MICB: variants seen among roughly 807,000 people sequenced by gnomAD.
MICB encodes the protein MHC class I antigen-related protein B.
MICB carries 27 observed loss-of-function variants against 34.3 expected under a neutral mutation model. The ratio of observed to expected loss-of-function variants is 0.79; its 90% CI spans 0.58 to 1.08. The LOEUF (loss-of-function observed/expected upper bound fraction) is 1.08. Ranked by LOEUF, MICB falls within the 50% of genes least tolerant of loss-of-function variation. MICB has a pLI of 0.00. For synonymous variants in MICB, 153 were observed against 187.4 expected, an observed-to-expected ratio of 0.82 and a Z score of 1.50; for missense variants, 426 against 483.1, an observed-to-expected ratio of 0.88 and a Z score of 1.11.
chr6:31,501,437 A>G (rs553451503), intron 1 of MICB, among the ~76,000 whole-genome samples: 1 of 152,144 alleles, frequency 6.6e-6, no homozygotes, highest in Admixed American at 6.5e-5. Flanking sequence ...TTTTAACTTG[A>G]TATGATCCCA....
At chr6:31,496,366 C>CTTTTT (rs3034154), upstream of MICB, among the ~76,000 whole-genome samples, 86 of 121,626 alleles carry the variant, frequency 7.1e-4, 2 homozygotes, top group South Asian at 1.8e-3. Context: ...TCCTTTTTTT[C>CTTTTT]TTTTTTTTTT....
At chr6:31,498,359 G>A (rs1764798834) in intron 1 of MICB, 96 bp downstream of exon 1, 1 of 1,060,900 alleles carries the variant, frequency 9.4e-7, no homozygotes, top group South Asian at 1.5e-5. Context: ...CGGTCAGGGC[G>A]GGGCTCAGGT....
At chr6:31,503,954 TGTGTGTGTGTGTG>T (rs1562360648) in intron 1 of MICB, among the ~76,000 whole-genome samples, 5 of 149,452 alleles carry the variant, frequency 3.3e-5, no homozygotes, top group African/African-American at 1.2e-4. Flanking sequence ...ACTTGCTGTG[TGTGTGTGTGTGTG>T]TGTGTGTGTG....
Position 31,510,036 on chromosome 6 carries a change from T to A in MICB, c.*127T>A. ...TTTATTGTTGTTGGATGCTGCAAAG[T>A]GTTAGTAGGTATGAGGTGTTTGCTG... On this transcript the variant is annotated 3_prime_UTR_variant, in exon 6 of 6. Coordinates refer to ENST00000252229, the MANE Select transcript of MICB (RefSeq NM_005931.5). The A allele has an allele frequency of 8.5e-7, 1 of 1,176,576 alleles. No individual in the cohort carries two copies. The highest frequency in any genetic ancestry group is 1.2e-6 in the Non-Finnish European group (1 of 855,724). 72.9% of individuals were successfully genotyped at this position (1,176,576 alleles called of 1,614,324 possible).
intron 1 of MICB, among the ~76,000 whole-genome samples, chr6:31,504,843 T>C (rs1229667911): frequency 2.6e-5 from 4 of 152,200 alleles, no homozygotes; most frequent in Non-Finnish European, 5.9e-5. Flanking sequence ...CATTTTGAGT[T>C]AATTTTTGTA....
At position 31,506,436 on chromosome 6, in the gene MICB, G is replaced by T; in HGVS notation, c.613+6G>T. The T allele has an allele frequency of 6.2e-7, 1 of 1,612,090 alleles. No individual in the cohort carries two copies. Among genetic ancestry groups the T allele is most frequent in the South Asian group, 1.1e-5 (1 of 90,904 alleles). ...GGTGGCCATCAGGAGAACAGGTACC[G>T]ACCCTGGCCAGGGGCTCTACTGTTC... On this transcript the variant is annotated splice_donor_region_variant and intron_variant, in intron 3 of 5. Transcript: ENST00000252229.
rs1315464581 is a variant in MICB at position 31,507,202 on chromosome 6, A to G, written c.794A>G (p.Gln265Arg). The G allele has an allele frequency of 6.2e-7, 1 of 1,614,134 alleles. No individual in the cohort carries two copies. Among genetic ancestry groups the G allele is most frequent in the Non-Finnish European group, 8.5e-7 (1 of 1,180,008 alleles). ...CTGCCTGATGGGAATGGAACCTACC[A>G]GACCTGGGTGGCCACCAGGATTCGC... Reference protein sequence around the residue: ...DVLPDGNGTYQTWVATRIRQG... With the variant: ...DVLPDGNGTYRTWVATRIRQG... The change falls in exon 4 of 6, where the codon CAG (glutamine) becomes CGG (arginine). Residue 265 changes from glutamine (Q) to arginine (R), a missense_variant. By Grantham distance (43) the Gln-to-Arg change is conservative (BLOSUM62 1). Transcript: ENST00000252229. This position sits in a 1 kb window ranked among gnomAD's most constrained non-coding sequence, Gnocchi z 6.0.
At chr6:31,505,297 T>C (rs1167261856) in intron 1 of MICB, among the ~76,000 whole-genome samples, 1 of 146,236 alleles carries the variant, frequency 6.8e-6, no homozygotes, top group South Asian at 2.3e-4. Flanking sequence ...CTTCCAACAC[T>C]GCCTTCATGC....
chr6:31,496,233 A>C (rs1429403335), upstream of MICB, among the ~76,000 whole-genome samples: 1 of 152,212 alleles, frequency 6.6e-6, no homozygotes, highest in Non-Finnish European at 1.5e-5. Context: ...AATTCTTATT[A>C]TTGAGAATTG....
Position 31,506,321 on chromosome 6 carries a change from C to T in MICB, c.504C>T (p.Phe168=). The T allele has an allele frequency of 6.2e-7, 1 of 1,614,220 alleles. No individual in the cohort carries two copies. Among genetic ancestry groups the T allele is most frequent in the Non-Finnish European group, 8.5e-7 (1 of 1,180,034 alleles). The change falls in exon 3 of 6, where the codon TTC becomes TTT. Residue 168 remains phenylalanine (F), a synonymous_variant. Transcript: ENST00000252229. ...AQTLAMNVTN[F]WKEDAMKTKT... The stretch of plus-strand genomic sequence containing the variant: ...CCTTGGCTATGAACGTCACAAATTT[C>T]TGGAAGGAAGATGCCATGAAGACCA...
chr6:31,498,309 G>T, intron 1 of MICB, 46 bp downstream of exon 1: 2 of 1,478,592 alleles, frequency 1.4e-6, no homozygotes, highest in South Asian at 1.2e-5. Flanking sequence ...GAGCGGCGGG[G>T]CGTTTCCGGG....
rs1349517349 is a variant in MICB, at chr6:31,510,323, C to G, written c.*414C>G. 6.4e-6 allele frequency: 1 copy of G among 156,650 alleles called. No individual in the cohort carries two copies. The highest frequency in any genetic ancestry group is 2.4e-5 in the African/African-American group (1 of 41,356). 9.7% of individuals were successfully genotyped at this position (156,650 alleles called of 1,614,324 possible). A position where few individuals can be genotyped will look rare whatever the true frequency, so the allele number is the denominator to read the frequency against. Reference sequence around the variant, plus strand: ...CCCAGCAGCTGACTCCTTCTTCCACCCCTCTTCTTGCTATCTCCTATACCA... The same window carrying G: ...CCCAGCAGCTGACTCCTTCTTCCACGCCTCTTCTTGCTATCTCCTATACCA... On this transcript the variant is annotated 3_prime_UTR_variant, in exon 6 of 6. Coordinates refer to ENST00000252229, the MANE Select transcript of MICB (RefSeq NM_005931.5).
chr6:31,505,912 C>G, intron 2 of MICB, 41 bp downstream of exon 2: 1 of 1,552,540 alleles, frequency 6.4e-7, no homozygotes, highest in Non-Finnish European at 8.7e-7. Context: ...AGGCCTTCTC[C>G]AGGAAAGTTG....
upstream of MICB, among the ~76,000 whole-genome samples, chr6:31,496,422 A>T (rs1258562869): frequency 7.4e-6 from 1 of 134,820 alleles, no homozygotes; most frequent in Non-Finnish European, 1.5e-5. Flanking sequence ...GCTGGAGTGC[A>T]GTGGCGCAAT....
At position 31,507,654 on chromosome 6, in the gene MICB, G is replaced by A; in HGVS notation, c.1024+123G>A. 4 of 1,223,204 alleles carry A rather than the reference G, an allele frequency of 3.3e-6. No homozygotes were observed. The highest frequency in any genetic ancestry group is 2.8e-5 in the South Asian group (2 of 70,464). The allele number at this position is 1,223,204 out of a possible 1,614,324, so 75.8% of individuals were successfully genotyped here. ...CTGCTGGGACAGGGGATGGAAGCTGGGGTATTTGGGAGGGGAATGGGAGCT... is the reference window on the plus strand; with the variant it reads ...CTGCTGGGACAGGGGATGGAAGCTGAGGTATTTGGGAGGGGAATGGGAGCT... On this transcript the variant is annotated intron_variant, in intron 5 of 5. Transcript: ENST00000252229. The surrounding 1 kb of genome is among the most constrained non-coding windows in gnomAD (Gnocchi z 6.0).
At chr6:31,498,446 C>CTTTTTTTTTTTTTT (rs9279321) in intron 1 of MICB, among the ~76,000 whole-genome samples, 183 bp downstream of exon 1, 4 of 89,308 alleles carry the variant, frequency 4.5e-5, no homozygotes, top group Non-Finnish European at 6.4e-5. Flanking sequence ...TCTCCCGTCT[C>CTTTTTTTTTTTTTT]TTTTTTTTTT....
At position 31,507,613 on chromosome 6, in the gene MICB, G is replaced by A; in HGVS notation, c.1024+82G>A. ...CTCCTCATTGCTCCTGCCCAGACAA[G>A]ACGTAGGTGACAAGGCTGCTGGGAC... On this transcript the variant is annotated intron_variant, in intron 5 of 5. Coordinates refer to ENST00000252229, the MANE Select transcript of MICB (RefSeq NM_005931.5). This position sits in a 1 kb window ranked among gnomAD's most constrained non-coding sequence, Gnocchi z 6.0. 1 of 1,541,384 alleles carries A rather than the reference G, an allele frequency of 6.5e-7. No individual in the cohort carries two copies. The highest frequency in any genetic ancestry group is 2.2e-5 in the East Asian group (1 of 44,486).
At chr6:31,506,004 AG>A in intron 2 of MICB, 133 bp downstream of exon 2, 1 of 1,476,402 alleles carries the variant, frequency 6.8e-7, no homozygotes, top group Non-Finnish European at 9.0e-7. Context: ...GAGGCTCAGC[AG>A]GGTGGTGAGC....
chr6:31,505,898 T>A, intron 2 of MICB, 27 bp downstream of exon 2: 1 of 1,568,544 alleles, frequency 6.4e-7, no homozygotes, highest in African/African-American at 1.4e-5. Flanking sequence ...GCAAGAGTAA[T>A]GGGAGGCCTT....
Sources: gnomAD v4.1 joint callset for allele counts (sites outside exome capture counted in the v4.1 genomes callset) on GRCh38, gnomAD v4.1.1 for gene constraint, Gnocchi (gnomAD v3.1) non-coding constraint, MANE v1.5 for transcripts, NCBI Gene and HGNC (gene_info 2026-07-23, HGNC 2026-07-21) for gene names.